Variants in CSMD3 observed in about 807,000 individuals in gnomAD.
CSMD3 encodes the protein CUB and sushi domain-containing protein 3.
Under a neutral mutation model 435.2 loss-of-function variants are expected in CSMD3, and 177 were observed. That is an observed-to-expected ratio of 0.41 (90% confidence interval 0.36 to 0.46). The LOEUF (loss-of-function observed/expected upper bound fraction) is 0.46. CSMD3 is among the 20% of genes least tolerant of loss of function. CSMD3 has a pLI of 0.34. For synonymous variants in CSMD3, 1,656 were observed against 1,520.5 expected (o/e 1.09, Z -2.07); for missense variants, 4,265 against 4,504.6 (o/e 0.95, Z 1.52).
Position 113,126,551 on chromosome 8 carries a change from G to A in CSMD3, c.710-27588C>T, listed in dbSNP as rs540851425. On this transcript the variant is annotated intron_variant, in intron 4 of 70. Transcript: ENST00000297405. ...TACCAATCTGGATGACATTAATAAA[G>A]GCAATTTTGATGACATTAATAAATG... 2.6e-5 allele frequency among the ~76,000 whole-genome samples: 4 copies of A among 151,934 alleles called. No homozygotes were observed. The South Asian group carries it at 8.3e-4, about 32-fold the overall frequency.
chr8:112,602,059 G>A (rs1339528462), intron 22 of CSMD3, among the ~76,000 whole-genome samples: 5 of 148,000 alleles, frequency 3.4e-5, no homozygotes, highest in Admixed American at 3.4e-4. Flanking sequence ...ACTTTAGAGT[G>A]GTCACTGTCT....
intron 1 of CSMD3, among the ~76,000 whole-genome samples, chr8:113,352,575 G>A (rs976357827): frequency 3.3e-5 from 5 of 152,160 alleles, no homozygotes; most frequent in Non-Finnish European, 5.9e-5. Flanking sequence ...ACAGTGCTAT[G>A]TCTAGAGCAC....
intron 1 of CSMD3, among the ~76,000 whole-genome samples, chr8:113,336,165 T>C (rs897687194): frequency 2.0e-5 from 3 of 152,136 alleles, no homozygotes; most frequent in South Asian, 2.1e-4. Context: ...CTTCAGTTCT[T>C]AGATTATTTT....
intron 11 of CSMD3, among the ~76,000 whole-genome samples, chr8:112,834,068 A>G (rs2079954415): frequency 6.6e-6 from 1 of 151,944 alleles, no homozygotes; most frequent in Admixed American, 6.6e-5. Flanking sequence ...AAGACTTTGG[A>G]CACCCATTTA....
intron 1 of CSMD3, among the ~76,000 whole-genome samples, chr8:113,359,629 G>T (rs1364071010): frequency 1.3e-5 from 2 of 152,322 alleles, no homozygotes; most frequent in Admixed American, 6.5e-5. Flanking sequence ...CCACATAAAA[G>T]AAAAGAGTTT....
chr8:113,392,842 G>C (rs2094466609), intron 1 of CSMD3, among the ~76,000 whole-genome samples: 1 of 151,880 alleles, frequency 6.6e-6, no homozygotes, highest in Admixed American at 6.6e-5. Context: ...AAAGCAAGGA[G>C]ACAGCAACTG....
intron 3 of CSMD3, among the ~76,000 whole-genome samples, chr8:113,195,814 T>TATATATAC (rs1344054794): frequency 1.2e-3 from 166 of 133,422 alleles, no homozygotes; most frequent in African/African-American, 4.1e-3. Context: ...TATATATATA[T>TATATATAC]ACACACACAC....
chr8:113,238,665 C>T (rs908478440), intron 3 of CSMD3, among the ~76,000 whole-genome samples: 1 of 152,126 alleles, frequency 6.6e-6, no homozygotes, highest in African/African-American at 2.4e-5. Flanking sequence ...CTCGATTTTG[C>T]GTCTTTTTGC....
chr8:113,080,885 A>T (rs1452493496), intron 5 of CSMD3, among the ~76,000 whole-genome samples: 2 of 152,190 alleles, frequency 1.3e-5, no homozygotes, highest in African/African-American at 4.8e-5. Flanking sequence ...TATTCCTGTT[A>T]TTTTGAAGCA....
intron 12 of CSMD3, among the ~76,000 whole-genome samples, chr8:112,801,441 T>C (rs567833109): frequency 3.3e-5 from 5 of 152,124 alleles, no homozygotes; most frequent in Admixed American, 2.0e-4. Flanking sequence ...AGAAACTTGG[T>C]AAACTACTAT....
chr8:112,451,466 T>C (rs1411460371), intron 32 of CSMD3, among the ~76,000 whole-genome samples: 5 of 152,168 alleles, frequency 3.3e-5, no homozygotes, highest in African/African-American at 7.2e-5. Flanking sequence ...ATGTACTTTC[T>C]TTTTTGAGTC....
intron 4 of CSMD3, among the ~76,000 whole-genome samples, chr8:113,120,353 T>G (rs2090952294): frequency 1.3e-5 from 2 of 150,358 alleles, no homozygotes; most frequent in African/African-American, 5.0e-5. Flanking sequence ...TTAAATGAAT[T>G]AAATAAATAT....
At chr8:112,460,089 G>A (rs903419818) in intron 32 of CSMD3, among the ~76,000 whole-genome samples, 7 of 151,934 alleles carry the variant, frequency 4.6e-5, no homozygotes, top group Non-Finnish European at 7.4e-5. Flanking sequence ...TTCCCACATC[G>A]TAGTTTATAG....
At chr8:113,172,918 G>C (rs956211507) in intron 4 of CSMD3, among the ~76,000 whole-genome samples, 1 of 152,148 alleles carries the variant, frequency 6.6e-6, no homozygotes, top group African/African-American at 2.4e-5. Context: ...AACACGTTCT[G>C]TTTCCCAAGC....
intron 10 of CSMD3, among the ~76,000 whole-genome samples, chr8:112,884,530 C>T (rs867757039): frequency 2.0e-5 from 3 of 151,702 alleles, no homozygotes; most frequent in Non-Finnish European, 4.4e-5. Context: ...TGTCTTCTAC[C>T]CACCAGATGC....
At chr8:112,389,353 GATCCTC>G (rs1830220707) in intron 36 of CSMD3, among the ~76,000 whole-genome samples, 1 of 152,084 alleles carries the variant, frequency 6.6e-6, no homozygotes, top group African/African-American at 2.4e-5. Context: ...TATCATTTCA[GATCCTC>G]TATACAAGCT....
At chr8:112,244,913 T>G (rs146863839) in intron 64 of CSMD3, among the ~76,000 whole-genome samples, 1 of 152,032 alleles carries the variant, frequency 6.6e-6, no homozygotes, top group Non-Finnish European at 1.5e-5. Flanking sequence ...AACCAGCATT[T>G]TAAAGGATCT....
rs189952672 is a variant in CSMD3 at position 112,535,802 on chromosome 8, T to C, written c.4564+14869A>G. 2.6e-5 allele frequency among the ~76,000 whole-genome samples: 4 copies of C among 152,300 alleles called. No individual in the cohort carries two copies. The East Asian group carries it at 7.7e-4, about 29-fold the overall frequency. On this transcript the variant is annotated intron_variant, in intron 27 of 70. Transcript: ENST00000297405. Reference sequence around the variant, plus strand: ...CAAGGCTACAGTGACCAAAACAGCATGGTACTGGTAACAAAACAGAGATAT... The same window carrying C: ...CAAGGCTACAGTGACCAAAACAGCACGGTACTGGTAACAAAACAGAGATAT...
intron 22 of CSMD3, among the ~76,000 whole-genome samples, chr8:112,592,086 T>G (rs547674804): frequency 2.3e-3 from 353 of 151,796 alleles, no homozygotes; most frequent in African/African-American, 8.1e-3. Flanking sequence ...TTTGTGTGTG[T>G]TTTTTTTAGC....
Sources: allele counts gnomAD v4.1 joint callset (sites outside exome capture counted in the v4.1 genomes callset), GRCh38; gene constraint gnomAD v4.1.1; transcripts MANE v1.5; gene names NCBI Gene and HGNC (gene_info 2026-07-23, HGNC 2026-07-21).